JKAMP: variants seen among roughly 807,000 people sequenced by gnomAD.
JKAMP encodes the protein JNK1/MAPK8-associated membrane protein.
Under a neutral mutation model 40.2 loss-of-function variants are expected in JKAMP, and 20 were observed. That is an observed-to-expected ratio of 0.50 (90% CI 0.35 to 0.72). JKAMP has a LOEUF of 0.72. Among genes scored for constraint, JKAMP ranks in the 30% least tolerant of loss-of-function variants. JKAMP has a pLI of 0.01. For synonymous variants in JKAMP, 138 were observed against 131.6 expected (o/e 1.05, Z -0.33); for missense variants, 276 against 373.0 (o/e 0.74, Z 2.14).
chr14:59,496,299 A>C (rs567404666), intron 4 of JKAMP, among the ~76,000 whole-genome samples: 2 of 151,078 alleles, frequency 1.3e-5, no homozygotes, highest in East Asian at 3.9e-4. Flanking sequence ...AACACTGATA[A>C]TGTCCTTTTT....
intron 5 of JKAMP, chr14:59,500,874 G>T (rs80202373): frequency 1.0e-5 from 2 of 196,418 alleles, no homozygotes; most frequent in East Asian, 1.2e-4. Context: ...AGTATGAAAC[G>T]TATGTTTTAT....
Position 59,501,201 on chromosome 14 carries a change from C to A in JKAMP, c.651C>A (p.Phe217Leu). 4.4e-6 allele frequency: 7 copies of A among 1,592,520 alleles called. No individual in the cohort carries two copies. Among genetic ancestry groups the A allele is most frequent in the Non-Finnish European group, 6.0e-6 (7 of 1,162,556 alleles). ...ATGCTTATCTTTCAGATTACGCCTT[C>A]CCATACATTATATTAGTGTTATCTT... is the stretch of plus-strand genomic sequence containing the variant. ...AVGGGLLYYA[F>L]PYIILVLSLV... is the part of the protein sequence containing the mutation. Residue 217 changes from phenylalanine (F) to leucine (L), a missense_variant, in exon 6 of 7, where the codon TTC becomes TTA. Coordinates refer to ENST00000616435, the MANE Select transcript of JKAMP (RefSeq NM_016475.5).
At chr14:59,489,502 G>A (rs1253112) in intron 3 of JKAMP, among the ~76,000 whole-genome samples, 21,650 of 152,128 alleles carry the variant, frequency 0.14, 1,969 homozygotes, top group African/African-American at 0.25. Flanking sequence ...TTTGGTCACA[G>A]CCACTTAAGG....
chr14:59,487,055 T>G (rs1366427255), intron 2 of JKAMP: 2 of 310,500 alleles, frequency 6.4e-6, no homozygotes, highest in African/African-American at 4.4e-5. Context: ...AGAAAAAAAT[T>G]AGCTGGGCAT....
chr14:59,502,756 T>G (rs8014320), intron 6 of JKAMP, among the ~76,000 whole-genome samples: 15 of 1,874 alleles, frequency 8.0e-3, no homozygotes, highest in Non-Finnish European at 0.012. Flanking sequence ...TGAGATTTTT[T>G]TTTTTTTTTT....
At chr14:59,490,518 T>A (rs1275413264) in intron 3 of JKAMP, among the ~76,000 whole-genome samples, 1 of 152,078 alleles carries the variant, frequency 6.6e-6, no homozygotes, top group Non-Finnish European at 1.5e-5. Context: ...GTAGGTAGAT[T>A]AGAGGTGAGA....
chr14:59,498,672 TA>T lies in JKAMP; in HGVS notation c.459-50del, dbSNP rs1272041046. 6 of 982,172 alleles carry T rather than the reference TA, an allele frequency of 6.1e-6. No homozygotes were observed. In the Admixed American group the frequency reaches 1.3e-4, roughly 22 times the overall value. 60.8% of individuals were successfully genotyped at this position (982,172 alleles called of 1,614,324 possible). On this transcript the variant is annotated intron_variant, in intron 4 of 6. Transcript: ENST00000616435. ...TCTTTCATTTAAAAATGATCAAGAT[TA>T]AAAACATTTTTAAAACATTTTTGAT...
At chr14:59,502,750 A>ATTTTTGTTGTTTTTTTGTTT (rs1555339682) in intron 6 of JKAMP, among the ~76,000 whole-genome samples, 2 of 4,908 alleles carry the variant, frequency 4.1e-4, no homozygotes, top group African/African-American at 6.9e-4. Context: ...ATAAAATGAG[A>ATTTTTGTTGTTTTTTTGTTT]TTTTTTTTTT....
chr14:59,502,762 T>TGTTTTTGTTTTTGTTTTTG lies in JKAMP; in HGVS notation c.718-1092_718-1091insGTTTTTGTTTTTGTTTTTG, dbSNP rs1566583989. ...TGAATAAAATGAGATTTTTTTTTTT[T>TGTTTTTGTTTTTGTTTTTG]TTTTTTTTTTTCGGAGTCTCACTCT... On this transcript the variant is annotated intron_variant, in intron 6 of 6. Transcript: ENST00000616435. Among the ~76,000 whole-genome samples the TGTTTTTGTTTTTGTTTTTG allele has an allele frequency of 4.5e-5, 6 of 133,656 alleles. 1 individual carries two copies. The highest frequency in any genetic ancestry group is 3.8e-4 in the Admixed American group (5 of 13,328). The allele number at this position is 133,656 out of a possible 152,430, so 87.7% of individuals were successfully genotyped here.
At chr14:59,491,885 C>T (rs577073626) in intron 3 of JKAMP, among the ~76,000 whole-genome samples, 8 of 152,354 alleles carry the variant, frequency 5.3e-5, no homozygotes, top group Non-Finnish European at 1.0e-4. Flanking sequence ...CCTCAAGGGC[C>T]TGAAGCCTAA....
At position 59,498,588 on chromosome 14, in the gene JKAMP, T is replaced by A. The variant is rs145485120; in HGVS notation, c.459-139T>A. 377 of 526,092 alleles carry A rather than the reference T, an allele frequency of 7.2e-4. 1 individual carries two copies. Among genetic ancestry groups the A allele is most frequent in the African/African-American group, 7.0e-3 (356 of 50,880 alleles). The allele number at this position is 526,092 out of a possible 1,614,324, so 32.6% of individuals were successfully genotyped here. On this transcript the variant is annotated intron_variant, in intron 4 of 6. Transcript: ENST00000616435. ...GTATGACAGCCTGTTTGGCCAGCTT[T>A]CCACCAATCTGAATATCCAATGGAT...
At chr14:59,500,022 A>T (rs921427684) in intron 5 of JKAMP, among the ~76,000 whole-genome samples, 2 of 152,202 alleles carry the variant, frequency 1.3e-5, no homozygotes, top group African/African-American at 4.8e-5. Context: ...ATTTGCACTA[A>T]TTTGGGCTTA....
At chr14:59,484,899 G>C in intron 1 of JKAMP, 1 of 1,400,936 alleles carries the variant, frequency 7.1e-7, no homozygotes, top group East Asian at 2.5e-5. Flanking sequence ...GTTGACTTCG[G>C]AATTGAAAAC....
Position 59,504,012 on chromosome 14 carries a change from G to A in JKAMP, c.876G>A (p.Leu292=), listed in dbSNP as rs1314358355. Residue 292 remains leucine, a synonymous_variant, in exon 7 of 7, where the codon TTG becomes TTA. Transcript: ENST00000616435. ...TACCTACACCAGCCCTTTTTTACTT[G>A]TTCACTGCAAAATTTACCGAACCTT... The part of the protein sequence containing the change: ...ALVPTPALFY[L]FTAKFTEPSR... 1.2e-6 allele frequency: 2 copies of A among 1,613,672 alleles called. No homozygotes were observed. Among genetic ancestry groups the A allele is most frequent in the South Asian group, 1.1e-5 (1 of 91,072 alleles).
rs756330996 is a variant in JKAMP at position 59,486,837 on chromosome 14, G to A, written c.96+33G>A. Reference sequence around the variant, plus strand: ...TTATGTTTGTATCTTATTTCATTTTGTAAAATCTATTTGCTTTTGAAATAT... The same window carrying A: ...TTATGTTTGTATCTTATTTCATTTTATAAAATCTATTTGCTTTTGAAATAT... On this transcript the variant is annotated intron_variant, in intron 2 of 6. Coordinates refer to ENST00000616435, the MANE Select transcript of JKAMP (RefSeq NM_016475.5). The A allele has an allele frequency of 1.6e-5, 21 of 1,317,674 alleles. No homozygotes were observed. In the African/African-American group the frequency reaches 3.0e-4, roughly 19 times the overall value. 81.6% of individuals were successfully genotyped at this position (1,317,674 alleles called of 1,614,324 possible). A position where few individuals can be genotyped will look rare whatever the true frequency, so the allele number is the denominator to read the frequency against.
intron 4 of JKAMP, 70 bp from the exon 5 acceptor site, chr14:59,498,656 TA>T: frequency 1.1e-6 from 1 of 870,970 alleles, no homozygotes; most frequent in Non-Finnish European, 1.7e-6. Flanking sequence ...CTCTTTCATT[TA>T]AAAATGATCA....
At position 59,505,103 on chromosome 14, in the gene JKAMP, TTGG is replaced by T. The variant is rs1305740373; in HGVS notation, c.*1035_*1037del. The T allele has an allele frequency of 2.2e-6, 1 of 447,758 alleles. No homozygotes were observed. Among genetic ancestry groups the T allele is most frequent in the African/African-American group, 2.0e-5 (1 of 50,454 alleles). 27.7% of individuals were successfully genotyped at this position (447,758 alleles called of 1,614,324 possible). A position where few individuals can be genotyped will look rare whatever the true frequency, so the allele number is the denominator to read the frequency against. ...TGTTTAGAAGTTTATTTACTGATACTTGGTGGAGGTTGTGTGAATTAGTTAAAT... is the reference window on the plus strand; with the variant it reads ...TGTTTAGAAGTTTATTTACTGATACTTGGAGGTTGTGTGAATTAGTTAAAT... On this transcript the variant is annotated 3_prime_UTR_variant, in exon 7 of 7. Transcript: ENST00000616435.
intron 1 of JKAMP, chr14:59,485,360 A>G (rs964220611): frequency 2.4e-6 from 1 of 409,914 alleles, no homozygotes; most frequent in Non-Finnish European, 4.2e-6. Context: ...AGCGCCCATT[A>G]AAGAGGCCAG....
intron 5 of JKAMP, among the ~76,000 whole-genome samples, chr14:59,499,818 C>G (rs1000364153): frequency 2.0e-5 from 3 of 152,234 alleles, no homozygotes; most frequent in Admixed American, 6.5e-5. Flanking sequence ...TGAACTGTTT[C>G]ATTTGGCCTG....
Sources: gnomAD v4.1 joint callset for allele counts (sites outside exome capture counted in the v4.1 genomes callset) on GRCh38, gnomAD v4.1.1 for gene constraint, MANE v1.5 for transcripts, NCBI Gene and HGNC (gene_info 2026-07-23, HGNC 2026-07-21) for gene names.